CCND3: variants seen among roughly 807,000 people sequenced by gnomAD.
The protein encoded by CCND3 is G1/S-specific cyclin-D3.
Under a neutral mutation model 28.7 loss-of-function variants are expected in CCND3, and 9 were observed. The observed-to-expected ratio is 0.31, with a 90% confidence interval of 0.19 to 0.55. The LOEUF is 0.55. Among genes scored for constraint, CCND3 ranks in the 20% least tolerant of loss-of-function variants. CCND3 has a pLI of 0.93. For synonymous variants in CCND3, 164 were observed against 163.9 expected, an observed-to-expected ratio of 1.00 and a Z score of 0.00; for missense variants, 315 against 385.8, an observed-to-expected ratio of 0.82 and a Z score of 1.54.
chr6:42,032,189 G>A (rs976337534), intron 1 of CCND3, among the ~76,000 whole-genome samples: 18 of 152,134 alleles, frequency 1.2e-4, no homozygotes, highest in African/African-American at 3.6e-4. Flanking sequence ...GGGCTCAAGC[G>A]ATTCTTCTGC....
intron 1 of CCND3, chr6:42,010,976 AC>A (rs1763329488): frequency 6.6e-6 from 1 of 152,136 alleles, no homozygotes; most frequent in African/African-American, 2.4e-5. Flanking sequence ...CTCCATAGAA[AC>A]ACTTCAGGAG....
intron 2 of CCND3, 41 bp from the exon 3 acceptor site, chr6:41,937,435 G>A: frequency 6.2e-6 from 10 of 1,610,862 alleles, no homozygotes; most frequent in Non-Finnish European, 7.6e-6. Flanking sequence ...GGCTGGAGAA[G>A]TGAAGAGGAG....
intron 1 of CCND3, among the ~76,000 whole-genome samples, chr6:42,011,680 T>C (rs1582160429): frequency 6.6e-6 from 1 of 152,062 alleles, no homozygotes; most frequent in Admixed American, 6.6e-5. Flanking sequence ...CACCCCAGAA[T>C]TGAAGATGCA....
intron 1 of CCND3, among the ~76,000 whole-genome samples, chr6:42,040,875 AAAAC>A (rs1286125793): frequency 5.3e-5 from 8 of 150,164 alleles, no homozygotes; most frequent in Non-Finnish European, 8.9e-5. Flanking sequence ...AAACAAAAAA[AAAAC>A]AAAAAAAAAA....
chr6:41,977,915 C>A (rs949046333), intron 1 of CCND3, among the ~76,000 whole-genome samples: 5 of 152,076 alleles, frequency 3.3e-5, no homozygotes, highest in African/African-American at 1.2e-4. Context: ...ATTAGCTGGG[C>A]ATGGCAGCAC....
intron 1 of CCND3, among the ~76,000 whole-genome samples, chr6:41,970,067 G>A (rs557781740): frequency 1.3e-5 from 2 of 152,244 alleles, no homozygotes; most frequent in Admixed American, 6.5e-5. Context: ...TAGGCCAGGC[G>A]CGGTGGCTCA....
intron 1 of CCND3, among the ~76,000 whole-genome samples, chr6:42,004,503 C>T (rs1162094698): frequency 1.3e-5 from 2 of 152,054 alleles, no homozygotes; most frequent in African/African-American, 4.8e-5. Context: ...GAGGCCCAGG[C>T]GGGTGGATTA....
chr6:41,945,894 T>A (rs1333793519), upstream of CCND3, among the ~76,000 whole-genome samples: 3 of 152,252 alleles, frequency 2.0e-5, no homozygotes, highest in African/African-American at 7.2e-5. Context: ...ATGATTATTA[T>A]TATTCCCTTT....
At chr6:41,946,860 G>A (rs1259148610) in intron 1 of CCND3, among the ~76,000 whole-genome samples, 3 of 150,054 alleles carry the variant, frequency 2.0e-5, no homozygotes, top group East Asian at 2.0e-4. Flanking sequence ...CGAGGTGGGC[G>A]GATCACCTGA....
At chr6:42,012,806 A>G (rs1763379115) in intron 1 of CCND3, among the ~76,000 whole-genome samples, 1 of 152,218 alleles carries the variant, frequency 6.6e-6, no homozygotes, top group South Asian at 2.1e-4. Flanking sequence ...GGAGCTGCAC[A>G]TATAAATTGA....
chr6:41,991,987 T>G (rs954903535), intron 1 of CCND3, among the ~76,000 whole-genome samples: 1 of 152,174 alleles, frequency 6.6e-6, no homozygotes, highest in Non-Finnish European at 1.5e-5. Flanking sequence ...CTTCATCCAT[T>G]CATCAGCTGT....
At chr6:42,000,813 T>C (rs1236861629) in intron 1 of CCND3, among the ~76,000 whole-genome samples, 1 of 151,538 alleles carries the variant, frequency 6.6e-6, no homozygotes, top group Non-Finnish European at 1.5e-5. Context: ...GTGATCCGCC[T>C]GCCTCGGCCT....
chr6:41,961,668 A>T (rs1176407232), intron 1 of CCND3, among the ~76,000 whole-genome samples: 2 of 152,032 alleles, frequency 1.3e-5, no homozygotes, highest in African/African-American at 4.8e-5. Context: ...CCTCTAGATA[A>T]GCCAAGTCCC....
chr6:41,941,478 T>G lies in CCND3; in HGVS notation c.172A>C (p.Lys58Gln). 1 of 1,607,838 alleles carries G rather than the reference T, an allele frequency of 6.2e-7. No homozygotes were observed. Among genetic ancestry groups the G allele is most frequent in the Non-Finnish European group, 8.5e-7 (1 of 1,178,514 alleles). The change falls in exon 1 of 5, where the codon AAG (lysine) becomes CAG (glutamine). Residue 58 changes from lysine to glutamine, a missense_variant. Physicochemically the swap from Lys to Gln is moderately conservative, Grantham distance 53 (BLOSUM62 1). Transcript: ENST00000372991. This position sits in a 1 kb window ranked among gnomAD's most constrained non-coding sequence, Gnocchi z 6.1. ...TCCAGCATCCAGTAAGCCAGCATCT[T>G]CCGCATGTGCGGCTTGATCTCCCGC... ...VQREIKPHMR[K>Q]MLAYWMLEVC...
chr6:41,976,772 C>A (rs1762197537), intron 1 of CCND3, among the ~76,000 whole-genome samples: 1 of 152,136 alleles, frequency 6.6e-6, no homozygotes, highest in African/African-American at 2.4e-5. Flanking sequence ...TGAAGGATAT[C>A]AGACTATAAG....
chr6:42,009,748 A>G (rs1455823574), intron 1 of CCND3, among the ~76,000 whole-genome samples: 1 of 152,198 alleles, frequency 6.6e-6, no homozygotes, highest in South Asian at 2.1e-4. Context: ...TGGAGGTTGC[A>G]GTGGGCCAAG....
intron 1 of CCND3, among the ~76,000 whole-genome samples, chr6:42,012,851 T>C (rs1763380181): frequency 6.6e-6 from 1 of 152,250 alleles, no homozygotes; most frequent in East Asian, 1.9e-4. Context: ...TATGCTATCC[T>C]GACACAGATG....
At chr6:42,009,287 G>A (rs1019448560) in intron 1 of CCND3, among the ~76,000 whole-genome samples, 1 of 151,974 alleles carries the variant, frequency 6.6e-6, no homozygotes, top group East Asian at 1.9e-4. Flanking sequence ...ACCAGCCTGG[G>A]CAACATGGTG....
At chr6:41,944,502 ACCTCTGC>A (rs1776120914), upstream of CCND3, among the ~76,000 whole-genome samples, 1 of 151,846 alleles carries the variant, frequency 6.6e-6, no homozygotes, top group Admixed American at 6.6e-5. Flanking sequence ...GCTTACTGCA[ACCTCTGC>A]CTCCTGGTTT....
Sources: gnomAD v4.1 joint callset for allele counts (sites outside exome capture counted in the v4.1 genomes callset) on GRCh38, gnomAD v4.1.1 for gene constraint, Gnocchi (gnomAD v3.1) non-coding constraint, MANE v1.5 for transcripts, NCBI Gene and HGNC (gene_info 2026-07-23, HGNC 2026-07-21) for gene names.